NPIPB8: variants seen among roughly 807,000 people sequenced by gnomAD.
NPIPB8 encodes nuclear pore complex-interacting protein family member B8.
NPIPB8 carries 3 observed loss-of-function variants against 5.3 expected under a neutral mutation model. That is an observed-to-expected ratio of 0.57 (90% CI 0.26 to 1.47). The LOEUF (loss-of-function observed/expected upper bound fraction) is 1.47. Among genes scored for constraint, NPIPB8 ranks in the 40% most tolerant of loss-of-function variants. The probability of loss-of-function intolerance (pLI) is 0.13; values close to 1 mark genes in which losing one functional copy is unlikely to be tolerated. For synonymous variants in NPIPB8, 18 were observed against 23.0 expected (o/e 0.78, Z 0.62); for missense variants, 50 against 50.2 (o/e 1.00, Z 0.01).
intron 2 of NPIPB8, among the ~76,000 whole-genome samples, chr16:28,640,022 T>G (rs1596673035): frequency 6.6e-6 from 1 of 151,486 alleles, no homozygotes; most frequent in Non-Finnish European, 1.5e-5. Flanking sequence ...TTTAATTCTC[T>G]CTGCAACCTG....
At chr16:28,640,504 G>A (rs938766782) in intron 2 of NPIPB8, among the ~76,000 whole-genome samples, 2 of 152,090 alleles carry the variant, frequency 1.3e-5, no homozygotes, top group East Asian at 1.9e-4. Flanking sequence ...CATCTCCTGG[G>A]TCAAAGCAAA....
intron 2 of NPIPB8, chr16:28,644,582 A>T (rs1259885526): frequency 6.6e-7 from 1 of 1,512,414 alleles, no homozygotes; most frequent in Non-Finnish European, 8.9e-7. Context: ...CCCTGAAAGG[A>T]CCAGGACATG....
chr16:28,639,569 G>A (rs1209855117), intron 2 of NPIPB8, among the ~76,000 whole-genome samples: 7 of 129,338 alleles, frequency 5.4e-5, no homozygotes, highest in Non-Finnish European at 1.1e-4. Context: ...CAATTCCTCT[G>A]CCTCAGCCTC....
intron 2 of NPIPB8, among the ~76,000 whole-genome samples, chr16:28,639,446 T>C (rs867520900): frequency 4.6e-4 from 37 of 81,238 alleles, no homozygotes; most frequent in African/African-American, 1.2e-3. Flanking sequence ...CACACACACA[T>C]ATATATATAT....
chr16:28,642,012 G>C (rs1350545919), intron 2 of NPIPB8, among the ~76,000 whole-genome samples: 13 of 150,324 alleles, frequency 8.6e-5, no homozygotes, highest in Non-Finnish European at 1.8e-4. Flanking sequence ...GGACATTATA[G>C]TACTCTCTGC....
chr16:28,641,990 G>A (rs986846997), intron 2 of NPIPB8, among the ~76,000 whole-genome samples: 7 of 149,170 alleles, frequency 4.7e-5, no homozygotes, highest in African/African-American at 1.7e-4. Flanking sequence ...GGTGACTCTA[G>A]CAACCCTTCA....
intron 2 of NPIPB8, among the ~76,000 whole-genome samples, chr16:28,640,779 T>A (rs546089071): frequency 6.6e-6 from 1 of 152,202 alleles, no homozygotes; most frequent in East Asian, 1.9e-4. Flanking sequence ...AGCAGTTTGG[T>A]CGAATGTAAT....
At chr16:28,639,399 A>G (rs1198445753) in intron 2 of NPIPB8, among the ~76,000 whole-genome samples, 1 of 86,252 alleles carries the variant, frequency 1.2e-5, no homozygotes, top group Admixed American at 1.1e-4. Context: ...TTATATAGAT[A>G]CACACACACA....
intron 2 of NPIPB8, chr16:28,644,558 G>A (rs768674527): frequency 6.6e-7 from 1 of 1,519,338 alleles, no homozygotes; most frequent in Non-Finnish European, 8.8e-7. Flanking sequence ...CTCTGTCCTG[G>A]ACACCTCAGG....
chr16:28,642,107 C>CTTT (rs200990085), intron 2 of NPIPB8, among the ~76,000 whole-genome samples: 64 of 146,506 alleles, frequency 4.4e-4, no homozygotes, highest in Admixed American at 6.8e-4. Flanking sequence ...TCTAGGGCTT[C>CTTT]TTTTTTTTTT....
At chr16:28,652,608 C>T (rs375467578) in intron 5 of NPIPB8, among the ~76,000 whole-genome samples, 7,835 of 62,210 alleles carry the variant, frequency 0.13, 13 homozygotes, top group Middle Eastern at 0.21. Context: ...TCCTTTCTCT[C>T]TTTTTTTTTT....
At chr16:28,639,157 G>C (rs1346523411) in intron 2 of NPIPB8, among the ~76,000 whole-genome samples, 1 of 143,390 alleles carries the variant, frequency 7.0e-6, no homozygotes, top group Non-Finnish European at 1.5e-5. Flanking sequence ...CTCATAATAA[G>C]AAATACATTC....
intron 5 of NPIPB8, among the ~76,000 whole-genome samples, chr16:28,653,138 T>A (rs2048072824): frequency 2.7e-5 from 3 of 112,670 alleles, no homozygotes; most frequent in Admixed American, 1.8e-4. Context: ...AGTGGCATGA[T>A]CTTGGCTCAC....
At position 28,638,330 on chromosome 16, in the gene NPIPB8, C is replaced by T; in HGVS notation, c.-31C>T. 6.4e-7 allele frequency: 1 copy of T among 1,559,344 alleles called. No homozygotes were observed. The highest frequency in any genetic ancestry group is 8.6e-7 in the Non-Finnish European group (1 of 1,159,990). On this transcript the variant is annotated 5_prime_UTR_variant, in exon 2 of 8. Coordinates refer to ENST00000683297, the MANE Select transcript of NPIPB8 (RefSeq NM_001310136.2). The stretch of plus-strand genomic sequence containing the variant: ...TTCTTAATTGTCTAATAGGTTGGCA[C>T]TCATCATGAGCCCCTGTTCTCATTC...
chr16:28,652,745 G>T (rs982469403), intron 5 of NPIPB8, among the ~76,000 whole-genome samples: 1 of 133,994 alleles, frequency 7.5e-6, no homozygotes, highest in African/African-American at 3.0e-5. Context: ...GGGATTACAG[G>T]TGCCCACCAC....
chr16:28,639,444 C>CATATAT (rs1340453842), intron 2 of NPIPB8, among the ~76,000 whole-genome samples: 27 of 116,964 alleles, frequency 2.3e-4, no homozygotes, highest in African/African-American at 6.9e-4. Flanking sequence ...CACACACACA[C>CATATAT]ATATATATAT....
intron 2 of NPIPB8, among the ~76,000 whole-genome samples, 176 bp downstream of exon 2, chr16:28,638,656 T>A (rs1463551566): frequency 6.6e-6 from 1 of 150,952 alleles, no homozygotes; most frequent in African/African-American, 2.5e-5. Context: ...AGTTGACTTA[T>A]TTGGATGAAA....
In NPIPB8 at chr16:28,652,523, A is replaced by G. The variant is rs1182574321; in HGVS notation, c.599+159A>G. Among the ~76,000 whole-genome samples the G allele has an allele frequency of 3.0e-5, 3 of 98,914 alleles. No individual in the cohort carries two copies. The East Asian group carries it at 7.0e-4, about 23-fold the overall frequency. 64.9% of individuals were successfully genotyped at this position (98,914 alleles called of 152,430 possible). A position where few individuals can be genotyped will look rare whatever the true frequency, so the allele number is the denominator to read the frequency against. On this transcript the variant is annotated intron_variant, in intron 5 of 7. Coordinates refer to ENST00000683297, the MANE Select transcript of NPIPB8 (RefSeq NM_001310136.2). ...TCTGCTTCATTAGTTTAAGCTGTAT[A>G]ATTCCTTTCCCTTCCTACATTCTTG... is the stretch of plus-strand genomic sequence containing the variant.
intron 2 of NPIPB8, among the ~76,000 whole-genome samples, chr16:28,640,479 C>T (rs1280745031): frequency 2.0e-5 from 3 of 151,896 alleles, no homozygotes; most frequent in African/African-American, 7.2e-5. Flanking sequence ...AGGTGACACG[C>T]TTCACTTCCA....
Sources: gnomAD v4.1 joint callset for allele counts (sites outside exome capture counted in the v4.1 genomes callset) on GRCh38, gnomAD v4.1.1 for gene constraint, MANE v1.5 for transcripts, NCBI Gene and HGNC (gene_info 2026-07-23, HGNC 2026-07-21) for gene names.